NPSR1: variants seen among roughly 807,000 people sequenced by gnomAD.
NPSR1 encodes the protein neuropeptide S receptor.
NPSR1 carries 48 observed loss-of-function variants against 46.9 expected under a neutral mutation model. That is an observed-to-expected ratio of 1.02 (90% CI 0.81 to 1.30). The LOEUF is 1.30. Among genes scored for constraint, NPSR1 ranks in the 50% most tolerant of loss-of-function variants. NPSR1 has a pLI of 0.00. For missense variants in NPSR1, 450 were observed against 449.5 expected (o/e 1.00, Z -0.01); for synonymous variants, 176 against 168.1 (o/e 1.05, Z -0.36).
At chr7:34,664,321 G>C (rs1186360413) in intron 1 of NPSR1, among the ~76,000 whole-genome samples, 1 of 152,176 alleles carries the variant, frequency 6.6e-6, no homozygotes, top group Non-Finnish European at 1.5e-5. Flanking sequence ...ATAATTGCAT[G>C]TCCTGTAGAG....
chr7:34,870,291 C>T (rs1243188062), intron 8 of NPSR1, among the ~76,000 whole-genome samples: 1 of 151,760 alleles, frequency 6.6e-6, no homozygotes, highest in Admixed American at 6.5e-5. Context: ...TCATCAATAT[C>T]CCCAGCCCCT....
chr7:34,828,152 G>A (rs967881738), intron 5 of NPSR1, among the ~76,000 whole-genome samples: 1 of 152,188 alleles, frequency 6.6e-6, no homozygotes, highest in Non-Finnish European at 1.5e-5. Context: ...TCAGATAATG[G>A]CAGGGAATAT....
At chr7:34,698,161 T>A (rs1045300341) in intron 2 of NPSR1, among the ~76,000 whole-genome samples, 2 of 152,196 alleles carry the variant, frequency 1.3e-5, no homozygotes, top group African/African-American at 2.4e-5. Context: ...TATCTGTGTC[T>A]TAGAATTTGC....
intron 2 of NPSR1, among the ~76,000 whole-genome samples, chr7:34,693,635 C>A (rs1418775669): frequency 6.6e-6 from 1 of 152,088 alleles, no homozygotes; most frequent in East Asian, 1.9e-4. Flanking sequence ...CCTAACTGTT[C>A]CTATAAAACC....
intron 3 of NPSR1, among the ~76,000 whole-genome samples, chr7:34,782,234 T>TGTG (rs1253571312): frequency 6.6e-6 from 1 of 152,156 alleles, no homozygotes; most frequent in Non-Finnish European, 1.5e-5. Context: ...AATCTCTCCA[T>TGTG]GTGAGCCCAT....
At chr7:34,727,407 G>A (rs749021806) in intron 2 of NPSR1, among the ~76,000 whole-genome samples, 9 of 152,176 alleles carry the variant, frequency 5.9e-5, no homozygotes, top group Non-Finnish European at 1.2e-4. Context: ...GAGGCCTGAT[G>A]TATTATTGAC....
chr7:34,812,709 G>A (rs1001256861), intron 4 of NPSR1, among the ~76,000 whole-genome samples: 10 of 152,144 alleles, frequency 6.6e-5, no homozygotes, highest in Admixed American at 2.6e-4. Flanking sequence ...CATACACCCT[G>A]AAAGCAAATA....
chr7:34,681,009 G>C (rs564996458), intron 1 of NPSR1, among the ~76,000 whole-genome samples: 1 of 151,588 alleles, frequency 6.6e-6, no homozygotes. Context: ...TAAGTAATGT[G>C]TATGTATATA....
At chr7:34,698,246 G>A (rs146356162) in intron 2 of NPSR1, among the ~76,000 whole-genome samples, 28 of 152,226 alleles carry the variant, frequency 1.8e-4, no homozygotes, top group Non-Finnish European at 2.4e-4. Context: ...TTGTAGTTAC[G>A]TGGGCGTGTT....
chr7:34,752,214 T>C (rs1429261990), intron 2 of NPSR1, among the ~76,000 whole-genome samples: 1 of 152,196 alleles, frequency 6.6e-6, no homozygotes, highest in East Asian at 1.9e-4. Flanking sequence ...CTTCTTTTAA[T>C]CTATAACCAA....
At chr7:34,802,347 G>A (rs1048523084) in intron 3 of NPSR1, among the ~76,000 whole-genome samples, 4 of 150,108 alleles carry the variant, frequency 2.7e-5, no homozygotes, top group South Asian at 2.1e-4. Context: ...AAAACAGCAT[G>A]GTACTGGTAC....
At chr7:34,794,062 T>A (rs1788059892) in intron 3 of NPSR1, among the ~76,000 whole-genome samples, 1 of 152,050 alleles carries the variant, frequency 6.6e-6, no homozygotes, top group Admixed American at 6.6e-5. Context: ...TAGCAGAAGC[T>A]GGTGAGGGTA....
At chr7:34,850,748 C>G (rs1346330921), downstream of NPSR1, among the ~76,000 whole-genome samples, 1 of 152,160 alleles carries the variant, frequency 6.6e-6, no homozygotes, top group Non-Finnish European at 1.5e-5. Flanking sequence ...AACACTTGGG[C>G]CACTCTGGGC....
intron 2 of NPSR1, among the ~76,000 whole-genome samples, chr7:34,741,925 A>C (rs1291138188): frequency 1.3e-5 from 2 of 152,198 alleles, no homozygotes; most frequent in East Asian, 3.8e-4. Context: ...AGTTCTGTGA[A>C]AGTTGATTCT....
At chr7:34,760,506 G>A (rs963538536) in intron 2 of NPSR1, among the ~76,000 whole-genome samples, 11 of 152,086 alleles carry the variant, frequency 7.2e-5, no homozygotes, top group African/African-American at 1.2e-4. Flanking sequence ...TCCCACAGTC[G>A]GGCTCCAGTA....
At chr7:34,853,586 G>A (rs371252235), downstream of NPSR1, among the ~76,000 whole-genome samples, 1 of 152,224 alleles carries the variant, frequency 6.6e-6, no homozygotes, top group African/African-American at 2.4e-5. Context: ...TAAAGTGGAT[G>A]GAGTCTTATA....
intron 5 of NPSR1, among the ~76,000 whole-genome samples, chr7:34,828,199 G>A (rs2128756679): frequency 6.6e-6 from 1 of 152,336 alleles, no homozygotes; most frequent in East Asian, 1.9e-4. Flanking sequence ...AAATGATTCA[G>A]GTAGGATAAG....
chr7:34,750,635 G>T, intron 2 of NPSR1: 1 of 687,346 alleles, frequency 1.5e-6, no homozygotes, highest in South Asian at 1.5e-5. Context: ...CTCAGGCTTG[G>T]CCCCATGTTG....
intron 3 of NPSR1, among the ~76,000 whole-genome samples, chr7:34,780,907 T>C (rs1475583280): frequency 6.6e-6 from 1 of 152,154 alleles, no homozygotes; most frequent in Admixed American, 6.6e-5. Context: ...TTACAGGCAA[T>C]TGATTAACTT....
Sources: gnomAD v4.1 joint callset for allele counts (sites outside exome capture counted in the v4.1 genomes callset) on GRCh38, gnomAD v4.1.1 for gene constraint, MANE v1.5 for transcripts, NCBI Gene and HGNC (gene_info 2026-07-23, HGNC 2026-07-21) for gene names.